HDAC9: variants seen among roughly 807,000 people sequenced by gnomAD.
HDAC9 encodes the protein MEF-2 interacting transcription repressor (MITR) protein.
Under a neutral mutation model 139.4 loss-of-function variants are expected in HDAC9, and 41 were observed. The ratio of observed to expected loss-of-function variants is 0.29; its 90% CI spans 0.23 to 0.38. HDAC9 has a LOEUF of 0.38. HDAC9 is among the 10% of genes least tolerant of loss of function. The pLI, the probability that HDAC9 is intolerant of heterozygous loss-of-function variation, is 1.00. For missense variants in HDAC9, 1,147 were observed against 1,297.0 expected, an observed-to-expected ratio of 0.88 and a Z score of 1.78; for synonymous variants, 517 against 476.2, an observed-to-expected ratio of 1.09 and a Z score of -1.12.
At chr7:18,361,776 A>G (rs1783797213) in intron 1 of HDAC9, among the ~76,000 whole-genome samples, 1 of 152,138 alleles carries the variant, frequency 6.6e-6, no homozygotes, top group Non-Finnish European at 1.5e-5. Context: ...ATAGTCCACA[A>G]AACACTTTAA....
chr7:18,633,645 G>A (rs1377812195), intron 7 of HDAC9, among the ~76,000 whole-genome samples: 1 of 152,020 alleles, frequency 6.6e-6, no homozygotes, highest in Middle Eastern at 3.2e-3. Flanking sequence ...AAAGCATGAG[G>A]CAAGATCATT....
At chr7:18,863,486 G>A (rs928180443) in intron 21 of HDAC9, among the ~76,000 whole-genome samples, 5 of 152,162 alleles carry the variant, frequency 3.3e-5, no homozygotes, top group Non-Finnish European at 5.9e-5. Context: ...TAGTGTCAGT[G>A]TATTTTATGT....
chr7:18,876,588 CT>C (rs1799335988), intron 22 of HDAC9, among the ~76,000 whole-genome samples: 1 of 152,022 alleles, frequency 6.6e-6, no homozygotes, highest in Non-Finnish European at 1.5e-5. Context: ...TCTGAAATAA[CT>C]GGGGTTAAAA....
chr7:18,342,449 C>A (rs1782089275), intron 1 of HDAC9, among the ~76,000 whole-genome samples: 1 of 151,796 alleles, frequency 6.6e-6, no homozygotes, highest in Admixed American at 6.6e-5. Flanking sequence ...ATATTTTGTC[C>A]ATTTTTAATT....
chr7:18,601,316 T>G (rs1468318569), intron 6 of HDAC9, among the ~76,000 whole-genome samples: 1 of 152,224 alleles, frequency 6.6e-6, no homozygotes, highest in East Asian at 1.9e-4. Context: ...TATATTAACT[T>G]TCTATCTTGC....
rs866559503 is a variant in HDAC9 at position 18,480,771 on chromosome 7, T to C, written c.-41-15491T>C. 2.6e-5 allele frequency among the ~76,000 whole-genome samples: 4 copies of C among 152,268 alleles called. 1 individual carries two copies. In the Middle Eastern group the frequency reaches 0.01, roughly 388 times the overall value. Reference sequence around the variant, plus strand: ...TTCTTAAGTGATTTTTTTCTAGTCATGGGGAACCAGAAGAGTAGAAATACA... The same window carrying C: ...TTCTTAAGTGATTTTTTTCTAGTCACGGGGAACCAGAAGAGTAGAAATACA... On this transcript the variant is annotated intron_variant, in intron 1 of 3. Transcript: ENST00000413509.
At chr7:18,261,915 T>G (rs989873250) in intron 2 of HDAC9, among the ~76,000 whole-genome samples, 1 of 152,262 alleles carries the variant, frequency 6.6e-6, no homozygotes, top group Non-Finnish European at 1.5e-5. Flanking sequence ...TTTAACATAG[T>G]GATTTGCTGC....
intron 12 of HDAC9, among the ~76,000 whole-genome samples, chr7:18,688,086 CTT>C (rs1332130913): frequency 6.6e-6 from 1 of 151,738 alleles, no homozygotes; most frequent in African/African-American, 2.4e-5. Flanking sequence ...CACACACACA[CTT>C]ATATATGAGC....
At chr7:18,589,088 G>C (rs1830237963) in intron 3 of HDAC9, among the ~76,000 whole-genome samples, 1 of 152,050 alleles carries the variant, frequency 6.6e-6, no homozygotes, top group African/African-American at 2.4e-5. Context: ...TTAGTAACTT[G>C]TCCGGATTTC....
chr7:18,132,751 A>C (rs4490725), intron 1 of HDAC9, among the ~76,000 whole-genome samples: 1 of 152,112 alleles, frequency 6.6e-6, no homozygotes, highest in Non-Finnish European at 1.5e-5. Context: ...GTGAGGCCTT[A>C]GTTTTATTGT....
At chr7:18,332,633 C>T (rs893151907) in intron 1 of HDAC9, among the ~76,000 whole-genome samples, 10 of 151,510 alleles carry the variant, frequency 6.6e-5, no homozygotes, top group East Asian at 1.9e-4. Flanking sequence ...GCAGTCAAGC[C>T]GTTGAGCTGC....
intron 1 of HDAC9, among the ~76,000 whole-genome samples, chr7:18,411,153 G>A (rs1217556035): frequency 6.6e-6 from 1 of 152,130 alleles, no homozygotes; most frequent in Non-Finnish European, 1.5e-5. Flanking sequence ...GTGCTGGTGG[G>A]TATCTTACCT....
At chr7:18,087,100 T>A (rs7804184) in exon 1 of HDAC9, 7,570 of 152,150 alleles carry the variant, frequency 0.05, 311 homozygotes, top group African/African-American at 0.11. Flanking sequence ...TGCTTCTGCC[T>A]CACCATTCTC....
intron 6 of HDAC9, among the ~76,000 whole-genome samples, chr7:18,616,312 G>A (rs913075752): frequency 4.6e-5 from 7 of 152,098 alleles, no homozygotes; most frequent in African/African-American, 1.4e-4. Context: ...TAGAGTTTTC[G>A]TTAAGATGGT....
At chr7:18,901,143 C>G (rs1158564823) in intron 22 of HDAC9, among the ~76,000 whole-genome samples, 2 of 150,652 alleles carry the variant, frequency 1.3e-5, no homozygotes, top group African/African-American at 4.9e-5. Context: ...ATACTTTATT[C>G]CCAAGGCTCC....
intron 22 of HDAC9, among the ~76,000 whole-genome samples, chr7:18,887,745 A>G (rs139944734): frequency 6.6e-6 from 1 of 152,324 alleles, no homozygotes; most frequent in East Asian, 1.9e-4. Flanking sequence ...TAATTATTTT[A>G]TATTTCTAAA....
At chr7:18,634,157 TTAAA>T (rs1346434495) in intron 7 of HDAC9, among the ~76,000 whole-genome samples, 1 of 152,108 alleles carries the variant, frequency 6.6e-6, no homozygotes, top group Non-Finnish European at 1.5e-5. Context: ...CCTTAGTATA[TTAAA>T]TAAAAAACAA....
chr7:18,300,889 AC>A (rs1238817341), intron 1 of HDAC9, among the ~76,000 whole-genome samples: 1 of 152,146 alleles, frequency 6.6e-6, no homozygotes, highest in Non-Finnish European at 1.5e-5. Flanking sequence ...GGCAGTTGAA[AC>A]CCCTAAAGTC....
intron 12 of HDAC9, among the ~76,000 whole-genome samples, chr7:18,684,010 C>G (rs1562849353): frequency 6.6e-6 from 1 of 151,022 alleles, no homozygotes; most frequent in Non-Finnish European, 1.5e-5. Flanking sequence ...TAATCCCAGC[C>G]CTTTGGGAGG....
Sources: allele counts gnomAD v4.1 joint callset (sites outside exome capture counted in the v4.1 genomes callset), GRCh38; gene constraint gnomAD v4.1.1; transcripts MANE v1.5; gene names NCBI Gene and HGNC (gene_info 2026-07-23, HGNC 2026-07-21).